Variants in CSMD3 observed in about 807,000 individuals in gnomAD.
CSMD3 encodes CUB and sushi domain-containing protein 3.
In CSMD3, 177 loss-of-function variants were observed where a neutral mutation model predicts 435.2. That is an observed-to-expected ratio of 0.41 (90% CI 0.36 to 0.46). The LOEUF is 0.46. Ranked by LOEUF, CSMD3 falls within the 20% of genes least tolerant of loss-of-function variation. CSMD3 has a pLI of 0.34. For missense variants in CSMD3, 4,265 were observed against 4,504.6 expected (o/e 0.95, Z 1.52); for synonymous variants, 1,656 against 1,520.5 (o/e 1.09, Z -2.07).
At chr8:113,247,976 A>C (rs990177341) in intron 3 of CSMD3, among the ~76,000 whole-genome samples, 2 of 152,194 alleles carry the variant, frequency 1.3e-5, no homozygotes, top group African/African-American at 4.8e-5. Context: ...TAGAAGATTA[A>C]GTCAACAAAT....
chr8:112,556,899 G>A lies in CSMD3; in HGVS notation c.4098C>T (p.Ile1366=), dbSNP rs769408028. The part of the protein sequence containing the change: ...DPGIPQFGYK[I]SDQGHFAGST... ...TACCAGCAAAGTGGCCTTGGTCACT[G>A]ATCTTGTATCCAAATTGTGGAATGC... The change falls in exon 25 of 71, where the codon ATC becomes ATT. Residue 1366 remains isoleucine (I), a synonymous_variant. Transcript: ENST00000297405. 1 of 1,611,438 alleles carries A rather than the reference G, an allele frequency of 6.2e-7. No individual in the cohort carries two copies. The highest frequency in any genetic ancestry group is 8.5e-7 in the Non-Finnish European group (1 of 1,178,190).
At chr8:113,009,206 A>G (rs2086167032) in intron 6 of CSMD3, among the ~76,000 whole-genome samples, 1 of 151,710 alleles carries the variant, frequency 6.6e-6, no homozygotes, top group South Asian at 2.1e-4. Context: ...TCTCCACGGG[A>G]ATGATAAATG....
chr8:112,415,290 G>GGTAC (rs1359632044), intron 32 of CSMD3, among the ~76,000 whole-genome samples: 1 of 152,226 alleles, frequency 6.6e-6, no homozygotes, highest in Non-Finnish European at 1.5e-5. Context: ...AAGGAACCAA[G>GGTAC]GTACAGCTTG....
At chr8:112,338,233 A>C (rs193155786) in intron 42 of CSMD3, among the ~76,000 whole-genome samples, 27 of 151,938 alleles carry the variant, frequency 1.8e-4, no homozygotes, top group African/African-American at 6.3e-4. Context: ...AAAATAAAGC[A>C]CTGGAAAAAA....
rs914637212 is a variant in CSMD3 at position 112,832,804 on chromosome 8, G to A, written c.1756-3015C>T. Among the ~76,000 whole-genome samples, 3 of 152,090 alleles carry A rather than the reference G, an allele frequency of 2.0e-5. No homozygotes were observed. The East Asian group carries it at 5.8e-4, about 29-fold the overall frequency. The stretch of plus-strand genomic sequence containing the variant: ...AGATAAAAAATTTATGTTGTTTCAT[G>A]TTGCTAATTTTGGGTAATTTTTTAC... On this transcript the variant is annotated intron_variant, in intron 11 of 70. Transcript: ENST00000297405.
chr8:112,544,465 C>A (rs1303042216), intron 27 of CSMD3, among the ~76,000 whole-genome samples: 1 of 152,120 alleles, frequency 6.6e-6, no homozygotes, highest in African/African-American at 2.4e-5. Flanking sequence ...AATAGTGTTT[C>A]ATTTAATTCA....
At position 112,587,575 on chromosome 8, in the gene CSMD3, A is replaced by C. The variant is rs536102090; in HGVS notation, c.3716-340T>G. Among the ~76,000 whole-genome samples the C allele has an allele frequency of 3.2e-4, 48 of 151,988 alleles. 1 individual carries two copies. The highest frequency in any genetic ancestry group is 1.1e-3 in the African/African-American group (47 of 41,534). ...ATTTCTGATAAATGTAATACATTTA[A>C]ATTTATAATTTAGCTCTTTTAAATG... On this transcript the variant is annotated intron_variant, in intron 22 of 70. Transcript: ENST00000297405.
rs745716609 is a variant in CSMD3, at chr8:112,335,487, G to A, written c.7020-13C>T. Reference sequence around the variant, plus strand: ...GTCTGGTCCATCCCTATGAGACAAGGATTGGGAAAGGAGGAGAGATCAAGA... The same window carrying A: ...GTCTGGTCCATCCCTATGAGACAAGAATTGGGAAAGGAGGAGAGATCAAGA... On this transcript the variant is annotated splice_polypyrimidine_tract_variant and intron_variant, in intron 44 of 70. Coordinates refer to ENST00000297405, the MANE Select transcript of CSMD3 (RefSeq NM_198123.2). 6.2e-7 allele frequency: 1 copy of A among 1,612,894 alleles called. No homozygotes were observed. Among genetic ancestry groups the A allele is most frequent in the Admixed American group, 1.7e-5 (1 of 59,984 alleles).
intron 6 of CSMD3, among the ~76,000 whole-genome samples, chr8:112,977,204 T>A: frequency 6.6e-6 from 1 of 152,004 alleles, no homozygotes; most frequent in East Asian, 1.9e-4. Context: ...GCTAAAATCC[T>A]TAACAGCAAC....
intron 1 of CSMD3, among the ~76,000 whole-genome samples, chr8:113,433,726 C>A (rs2094689055): frequency 6.6e-6 from 1 of 152,186 alleles, no homozygotes. Flanking sequence ...TGACAAGCAG[C>A]GTGGGAAAAC....
chr8:112,400,171 T>C (rs1021953647), intron 35 of CSMD3, among the ~76,000 whole-genome samples: 3 of 152,352 alleles, frequency 2.0e-5, no homozygotes, highest in African/African-American at 4.8e-5. Flanking sequence ...GTATTTCTTA[T>C]AGTTGTAAAG....
intron 4 of CSMD3, among the ~76,000 whole-genome samples, chr8:113,172,215 T>C (rs1366970958): frequency 1.3e-5 from 2 of 152,164 alleles, no homozygotes; most frequent in Non-Finnish European, 2.9e-5. Flanking sequence ...TAGAGTAAAA[T>C]GTCAGAACTC....
intron 18 of CSMD3, among the ~76,000 whole-genome samples, chr8:112,654,065 A>C (rs1244966779): frequency 6.6e-6 from 1 of 152,200 alleles, no homozygotes. Flanking sequence ...CTGGAGTACA[A>C]ACAATGGTGG....
intron 10 of CSMD3, among the ~76,000 whole-genome samples, chr8:112,862,737 T>C (rs559031266): frequency 6.6e-6 from 1 of 152,230 alleles, no homozygotes; most frequent in African/African-American, 2.4e-5. Context: ...TATACTTGTG[T>C]TATTATTGTA....
chr8:112,794,937 T>C lies in CSMD3; in HGVS notation c.1972+5225A>G, dbSNP rs182675672. On this transcript the variant is annotated intron_variant, in intron 13 of 70. Coordinates refer to ENST00000297405, the MANE Select transcript of CSMD3 (RefSeq NM_198123.2). ...GGAAATTTTTCTAACAAAATATAAG[T>C]GACCAGCATTAATTGAAGAAGAGAT... Among the ~76,000 whole-genome samples the C allele has an allele frequency of 2.4e-3, 367 of 152,182 alleles. 2 individuals are homozygous for C. The Middle Eastern group carries it at 0.034, about 14-fold the overall frequency.
intron 1 of CSMD3, among the ~76,000 whole-genome samples, chr8:113,369,995 T>C (rs1392230428): frequency 6.6e-6 from 1 of 151,882 alleles, no homozygotes; most frequent in African/African-American, 2.4e-5. Flanking sequence ...TATTGTATTG[T>C]ACATGATGAC....
chr8:112,455,379 C>T (rs1052849090), intron 32 of CSMD3, among the ~76,000 whole-genome samples: 10 of 151,628 alleles, frequency 6.6e-5, no homozygotes, highest in Admixed American at 1.3e-4. Context: ...TAAATTGGAC[C>T]TGAGCAGTGG....
chr8:113,165,953 C>T (rs1190925498), intron 4 of CSMD3, among the ~76,000 whole-genome samples: 8 of 152,038 alleles, frequency 5.3e-5, no homozygotes, highest in Non-Finnish European at 1.0e-4. Context: ...AGGATAAGAA[C>T]AGGAAGCTTT....
At chr8:112,515,860 T>A (rs1209185809) in intron 28 of CSMD3, among the ~76,000 whole-genome samples, 3 of 152,104 alleles carry the variant, frequency 2.0e-5, no homozygotes, top group Non-Finnish European at 2.9e-5. Context: ...AACTTTTTTT[T>A]TTATTATTTC....
Sources: gnomAD v4.1 joint callset for allele counts (sites outside exome capture counted in the v4.1 genomes callset) on GRCh38, gnomAD v4.1.1 for gene constraint, MANE v1.5 for transcripts, NCBI Gene and HGNC (gene_info 2026-07-23, HGNC 2026-07-21) for gene names.